The following TLL1 variants were observed in gnomAD, a reference collection of about 807,000 sequenced individuals.
The protein encoded by TLL1 is tolloid like 1.
A neutral mutation model predicts 128.2 loss-of-function variants in TLL1; 49 were observed. The ratio of observed to expected loss-of-function variants is 0.38; its 90% CI spans 0.30 to 0.48. The LOEUF is 0.48. Ranked by LOEUF, TLL1 falls within the 20% of genes least tolerant of loss-of-function variation. The probability of loss-of-function intolerance (pLI) is 0.96; values close to 1 mark genes in which losing one functional copy is unlikely to be tolerated. For missense variants in TLL1, 1,123 were observed against 1,242.0 expected, an observed-to-expected ratio of 0.90 and a Z score of 1.44; for synonymous variants, 454 against 418.8, an observed-to-expected ratio of 1.08 and a Z score of -1.03.
chr4:166,068,830 C>T lies in TLL1; in HGVS notation c.2188+2967C>T, dbSNP rs546981938. Among the ~76,000 whole-genome samples the T allele has an allele frequency of 5.3e-5, 8 of 151,862 alleles. No homozygotes were observed. In the South Asian group the frequency reaches 8.3e-4, roughly 16 times the overall value. On this transcript the variant is annotated intron_variant, in intron 16 of 20. Transcript: ENST00000061240. ...CTTCTGTGCTACAAAGATGGTTCAG[C>T]GATTCCACAGTGTAAAATGTTGTAC...
intron 12 of TLL1, among the ~76,000 whole-genome samples, chr4:166,052,162 G>A (rs925792167): frequency 1.1e-4 from 16 of 152,156 alleles, no homozygotes; most frequent in Admixed American, 8.5e-4. Context: ...TAGGAACTAT[G>A]TTGTCTTCCT....
At chr4:166,021,882 G>A (rs1425256083) in intron 8 of TLL1, among the ~76,000 whole-genome samples, 10 of 152,122 alleles carry the variant, frequency 6.6e-5, no homozygotes, top group East Asian at 1.9e-4. Context: ...CTTGTTGTCC[G>A]GGCTGCATAC....
intron 1 of TLL1, among the ~76,000 whole-genome samples, chr4:165,951,074 G>C (rs1734492138): frequency 6.6e-6 from 1 of 152,124 alleles, no homozygotes; most frequent in Non-Finnish European, 1.5e-5. Flanking sequence ...AAGAGGGGAT[G>C]TAATTACTGA....
intron 1 of TLL1, among the ~76,000 whole-genome samples, chr4:165,915,328 A>G (rs1313803527): frequency 6.6e-6 from 1 of 152,218 alleles, no homozygotes; most frequent in Non-Finnish European, 1.5e-5. Context: ...CGGCTATTTA[A>G]AAAGATCTAT....
intron 1 of TLL1, among the ~76,000 whole-genome samples, chr4:165,952,020 T>C (rs1031527747): frequency 1.3e-5 from 2 of 152,156 alleles, no homozygotes; most frequent in African/African-American, 4.8e-5. Context: ...TGCTCTGTTA[T>C]GTTTTATGTT....
In TLL1 at chr4:165,873,621, C is replaced by A. The variant is rs2110794119; in HGVS notation, c.-284C>A. On this transcript the variant is annotated 5_prime_UTR_variant, in exon 1 of 21. Coordinates refer to ENST00000061240, the MANE Select transcript of TLL1 (RefSeq NM_012464.5). Reference sequence around the variant, plus strand: ...GCCAGCGCCGCCAGAGCCGAGTTTGCCTGCGCCCTCCCCGCCTCCGAGTGC... The same window carrying A: ...GCCAGCGCCGCCAGAGCCGAGTTTGACTGCGCCCTCCCCGCCTCCGAGTGC... 1 of 276,818 alleles carries A rather than the reference C, an allele frequency of 3.6e-6. No individual in the cohort carries two copies. The highest frequency in any genetic ancestry group is 2.2e-5 in the African/African-American group (1 of 45,538). The allele number at this position is 276,818 out of a possible 1,614,324, so 17.1% of individuals were successfully genotyped here.
intron 1 of TLL1, among the ~76,000 whole-genome samples, chr4:165,927,130 A>G (rs1463510511): frequency 6.6e-6 from 1 of 152,210 alleles, no homozygotes; most frequent in Non-Finnish European, 1.5e-5. Context: ...CCTAAAATGC[A>G]CAAGTATGTA....
intron 18 of TLL1, among the ~76,000 whole-genome samples, chr4:166,089,092 T>G (rs1741647971): frequency 6.6e-6 from 1 of 152,148 alleles, no homozygotes; most frequent in African/African-American, 2.4e-5. Context: ...ATTTACAGAT[T>G]AGTGACTTTA....
At chr4:166,000,913 T>C (rs1286418045) in intron 5 of TLL1, among the ~76,000 whole-genome samples, 1 of 152,194 alleles carries the variant, frequency 6.6e-6, no homozygotes, top group Non-Finnish European at 1.5e-5. Flanking sequence ...TTAAACTCAG[T>C]TAACTGCTAT....
intron 19 of TLL1, among the ~76,000 whole-genome samples, chr4:166,096,343 G>C (rs564104569): frequency 1.3e-5 from 2 of 148,838 alleles, no homozygotes; most frequent in African/African-American, 5.2e-5. Context: ...AAGCAAAACC[G>C]GGGGCGGGGG....
chr4:166,085,948 C>T (rs888520552), intron 18 of TLL1, among the ~76,000 whole-genome samples: 10 of 152,102 alleles, frequency 6.6e-5, no homozygotes, highest in East Asian at 3.9e-4. Context: ...ATGGTTTCAC[C>T]GAGTGACATG....
At chr4:166,022,456 A>G (rs1367654451) in intron 8 of TLL1, among the ~76,000 whole-genome samples, 2 of 152,160 alleles carry the variant, frequency 1.3e-5, no homozygotes, top group Non-Finnish European at 2.9e-5. Context: ...GATTACAGGC[A>G]TGAGCCCACT....
At chr4:166,020,642 ATTCTT>A (rs148400293) in intron 8 of TLL1, among the ~76,000 whole-genome samples, 2,152 of 152,116 alleles carry the variant, frequency 0.014, 50 homozygotes, top group African/African-American at 0.049. Flanking sequence ...TAATTTAACT[ATTCTT>A]TTGTTTTAAT....
intron 1 of TLL1, among the ~76,000 whole-genome samples, chr4:165,898,965 A>G (rs755147372): frequency 6.6e-6 from 1 of 152,110 alleles, no homozygotes; most frequent in African/African-American, 2.4e-5. Flanking sequence ...GGGAGGGTGT[A>G]TGTGTCCAGG....
intron 1 of TLL1, among the ~76,000 whole-genome samples, chr4:165,894,764 A>G (rs1204431708): frequency 6.6e-6 from 1 of 151,814 alleles, no homozygotes; most frequent in Non-Finnish European, 1.5e-5. Flanking sequence ...GGTGACTATT[A>G]TCAGGTTGAG....
Position 166,055,173 on chromosome 4 carries a change from A to C in TLL1, c.1622A>C (p.Lys541Thr). 2 of 1,613,702 alleles carry C rather than the reference A, an allele frequency of 1.2e-6. No homozygotes were observed. Among genetic ancestry groups the C allele is most frequent in the East Asian group, 4.5e-5 (2 of 44,794 alleles). Residue 541 changes from lysine to threonine, a missense_variant, in exon 13 of 21, where the codon AAA (lysine) becomes ACA (threonine). Lys to Thr is a moderately conservative substitution (Grantham distance 78). Around this residue, in one of 3 missense-constraint regions of TLL1, gnomAD observed 634 missense variants for 672.4 expected, o/e 0.94. Coordinates refer to ENST00000061240, the MANE Select transcript of TLL1 (RefSeq NM_012464.5). ...PLIGRFCGYD[K>T]PEDIRSTSNT... is the part of the protein sequence containing the mutation. The stretch of plus-strand genomic sequence containing the variant: ...ATAGGGCGTTTCTGTGGTTATGACA[A>C]ACCTGAAGACATAAGATCTACCTCC...
chr4:166,068,903 G>A (rs2111129721), intron 16 of TLL1, among the ~76,000 whole-genome samples: 1 of 151,854 alleles, frequency 6.6e-6, no homozygotes, highest in Admixed American at 6.6e-5. Flanking sequence ...TGCATGCAGT[G>A]TCTACACAGC....
intron 1 of TLL1, 49 bp downstream of exon 1, chr4:165,874,122 CTGGGTTTCCCA>C: frequency 6.2e-7 from 1 of 1,611,282 alleles, no homozygotes; most frequent in Non-Finnish European, 8.5e-7. Context: ...GGCCGCTGCG[CTGGGTTTCCCA>C]TGGGTGGCGG....
chr4:165,945,772 G>A (rs550610578), intron 1 of TLL1, among the ~76,000 whole-genome samples: 1 of 152,204 alleles, frequency 6.6e-6, no homozygotes, highest in South Asian at 2.1e-4. Context: ...AGGCAGATTC[G>A]AAAGATGTCT....
Sources: allele counts gnomAD v4.1 joint callset (sites outside exome capture counted in the v4.1 genomes callset), GRCh38; gene constraint gnomAD v4.1.1; regional missense constraint gnomAD v4.1.1; transcripts MANE v1.5; gene names NCBI Gene and HGNC (gene_info 2026-07-23, HGNC 2026-07-21).